The following TENM4 variants were observed in gnomAD, a reference collection of about 807,000 sequenced individuals.
TENM4 encodes the protein teneurin-4.
Under a neutral mutation model 243.3 loss-of-function variants are expected in TENM4, and 82 were observed. The ratio of observed to expected loss-of-function variants is 0.34; its 90% CI spans 0.28 to 0.40. The LOEUF is 0.40. Ranked by LOEUF, TENM4 falls within the 10% of genes least tolerant of loss-of-function variation. The pLI is 1.00. For missense variants in TENM4, 3,138 were observed against 3,673.3 expected (o/e 0.85, Z 3.77); for synonymous variants, 1,412 against 1,456.3 (o/e 0.97, Z 0.69).
rs142444622 is a variant in TENM4 at position 79,357,133 on chromosome 11, C to T, written c.-320-59590G>A. Among the ~76,000 whole-genome samples the T allele has an allele frequency of 1.2e-4, 19 of 152,296 alleles. No homozygotes were observed. In the East Asian group the frequency reaches 1.9e-3, roughly 15 times the overall value. On this transcript the variant is annotated intron_variant, in intron 1 of 33. Transcript: ENST00000278550. ...GCCACATTCCACATGGTGCGAGATG[C>T]TTCATTGAGTGACTGTGGGCAGCGT...
At chr11:79,328,868 A>G (rs1447796223) in intron 1 of TENM4, among the ~76,000 whole-genome samples, 2 of 152,144 alleles carry the variant, frequency 1.3e-5, no homozygotes, top group Non-Finnish European at 2.9e-5. Flanking sequence ...TGAGGTTCCT[A>G]GGGGCTCAGG....
intron 3 of TENM4, among the ~76,000 whole-genome samples, chr11:79,202,087 G>T (rs886708574): frequency 6.6e-6 from 1 of 152,194 alleles, no homozygotes; most frequent in African/African-American, 2.4e-5. Flanking sequence ...GGAAGTGGGT[G>T]GGGGAGGAGA....
At chr11:79,267,858 C>T (rs1855907003) in intron 2 of TENM4, among the ~76,000 whole-genome samples, 1 of 152,190 alleles carries the variant, frequency 6.6e-6, no homozygotes, top group Admixed American at 6.5e-5. Context: ...CACTTCATTA[C>T]TGAAAAATCC....
At position 78,952,642 on chromosome 11, in the gene TENM4, C is replaced by T. The variant is rs933945488; in HGVS notation, c.494-49119G>A. ...GCTCCTTCTCAGGATAATAGCAGAC[C>T]GGTGATCACAACTTTAGTTTTGATG... On this transcript the variant is annotated intron_variant, in intron 6 of 33. Coordinates refer to ENST00000278550, the MANE Select transcript of TENM4 (RefSeq NM_001098816.3). Among the ~76,000 whole-genome samples, 10 of 152,148 alleles carry T rather than the reference C, an allele frequency of 6.6e-5. 1 individual carries two copies. The highest frequency in any genetic ancestry group is 2.2e-4 in the African/African-American group (9 of 41,406).
At chr11:79,234,314 A>G (rs1864424760) in intron 2 of TENM4, among the ~76,000 whole-genome samples, 1 of 152,218 alleles carries the variant, frequency 6.6e-6, no homozygotes, top group Non-Finnish European at 1.5e-5. Flanking sequence ...GGGCACCCTG[A>G]AAGCTATAGA....
At position 78,776,452 on chromosome 11, in the gene TENM4, A is replaced by G. The variant is rs118050666; in HGVS notation, c.2392+2150T>C. Among the ~76,000 whole-genome samples, 36 of 152,294 alleles carry G rather than the reference A, an allele frequency of 2.4e-4. No individual in the cohort carries two copies. The East Asian group carries it at 6.2e-3, about 26-fold the overall frequency. The stretch of plus-strand genomic sequence containing the variant: ...GGACCATATCTGTTATGTGGTATTC[A>G]TATTTCCTACCACTTAGGAGTTCAG... On this transcript the variant is annotated intron_variant, in intron 17 of 33. Transcript: ENST00000278550.
intron 29 of TENM4, 41 bp from the exon 30 acceptor site, chr11:78,676,428 A>C: frequency 1.3e-6 from 2 of 1,511,782 alleles, no homozygotes; most frequent in Non-Finnish European, 1.8e-6. Flanking sequence ...GAAGGAACGA[A>C]GGTGGAGGGA....
At chr11:79,313,390 T>C (rs965885634) in intron 1 of TENM4, among the ~76,000 whole-genome samples, 1 of 152,166 alleles carries the variant, frequency 6.6e-6, no homozygotes, top group Admixed American at 6.5e-5. Context: ...CCTGCCAAAA[T>C]ACATCCCATG....
chr11:79,089,847 G>A (rs906964999), intron 4 of TENM4, among the ~76,000 whole-genome samples: 2 of 152,142 alleles, frequency 1.3e-5, no homozygotes, highest in Non-Finnish European at 2.9e-5. Flanking sequence ...GTGTGCTGTT[G>A]TGTTGCCATT....
chr11:78,874,312 CTTTAGAA>C (rs1239631481), intron 9 of TENM4, among the ~76,000 whole-genome samples: 1 of 152,046 alleles, frequency 6.6e-6, no homozygotes, highest in Non-Finnish European at 1.5e-5. Flanking sequence ...AATGAGGATT[CTTTAGAA>C]TTTAGAATTT....
At chr11:78,661,341 C>T in intron 33 of TENM4, 108 bp downstream of exon 33, 2 of 1,404,056 alleles carry the variant, frequency 1.4e-6, no homozygotes, top group South Asian at 2.8e-5. Flanking sequence ...ACTGTGGAGG[C>T]ACCACATTGG....
rs766879511 is a variant in TENM4 at position 78,805,393 on chromosome 11, C to T, written c.2078G>A (p.Arg693Lys). The change falls in exon 15 of 34, where the codon AGG (arginine) becomes AAG (lysine). Residue 693 changes from arginine (R) to lysine (K), a missense_variant. Around this residue, in one of 2 missense-constraint regions of TENM4, gnomAD observed 2,467 missense variants for 3,059.1 expected, o/e 0.81. Transcript: ENST00000278550. ...TGAACACTGGTCTAAGCATGTGGCC[C>T]TGGGGGTCTCGCAGTTGGTGCCTCC... The part of the protein sequence containing the change: ...GWGGTNCETP[R>K]ATCLDQCSGH... 6.3e-7 allele frequency: 1 copy of T among 1,596,302 alleles called. No homozygotes were observed. The highest frequency in any genetic ancestry group is 1.7e-5 in the Admixed American group (1 of 57,940).
intron 28 of TENM4, among the ~76,000 whole-genome samples, chr11:78,689,630 G>C (rs759308107): frequency 1.3e-5 from 2 of 152,098 alleles, no homozygotes; most frequent in African/African-American, 2.4e-5. Flanking sequence ...GGGATTCCTG[G>C]GTCTGCAGCT....
chr11:79,231,675 T>C (rs1864375930), intron 2 of TENM4, among the ~76,000 whole-genome samples: 2 of 152,216 alleles, frequency 1.3e-5, no homozygotes, highest in African/African-American at 4.8e-5. Flanking sequence ...TGGCAATTTG[T>C]GACAATTATA....
chr11:79,238,404 T>C (rs1194533844), intron 2 of TENM4, among the ~76,000 whole-genome samples: 1 of 152,134 alleles, frequency 6.6e-6, no homozygotes, highest in African/African-American at 2.4e-5. Flanking sequence ...AGGACCTGAA[T>C]AGAACAAAAA....
intron 1 of TENM4, among the ~76,000 whole-genome samples, chr11:79,421,328 A>C (rs540121613): frequency 6.6e-6 from 1 of 152,352 alleles, no homozygotes; most frequent in African/African-American, 2.4e-5. Flanking sequence ...TCATACAGCT[A>C]TCTGAAATTT....
chr11:79,420,835 C>A (rs1858916332), intron 1 of TENM4, among the ~76,000 whole-genome samples: 1 of 152,212 alleles, frequency 6.6e-6, no homozygotes. Flanking sequence ...GGAGCAGTCA[C>A]TCCAGAGTCA....
intron 6 of TENM4, among the ~76,000 whole-genome samples, chr11:78,956,675 C>A (rs150801441): frequency 4.6e-5 from 7 of 152,148 alleles, no homozygotes; most frequent in Non-Finnish European, 5.9e-5. Context: ...TAAGAAGACA[C>A]AATTCAGGAT....
chr11:78,842,260 C>A (rs912042813), intron 12 of TENM4, among the ~76,000 whole-genome samples: 3 of 152,194 alleles, frequency 2.0e-5, no homozygotes, highest in Non-Finnish European at 2.9e-5. Flanking sequence ...GGTCGAAACT[C>A]AATGCCTCTC....
Sources: allele counts gnomAD v4.1 joint callset (sites outside exome capture counted in the v4.1 genomes callset), GRCh38; gene constraint gnomAD v4.1.1; regional missense constraint gnomAD v4.1.1; transcripts MANE v1.5; gene names NCBI Gene and HGNC (gene_info 2026-07-23, HGNC 2026-07-21).